The following IQGAP1 variants were observed in gnomAD, a reference collection of about 807,000 sequenced individuals.
IQGAP1 encodes ras GTPase-activating-like protein IQGAP1.
Under a neutral mutation model 215.6 loss-of-function variants are expected in IQGAP1, and 66 were observed. The observed-to-expected ratio is 0.31, with a 90% confidence interval of 0.25 to 0.38. IQGAP1 has a LOEUF of 0.38. IQGAP1 is among the 10% of genes least tolerant of loss of function. The pLI, the probability that IQGAP1 is intolerant of heterozygous loss-of-function variation, is 1.00. For synonymous variants in IQGAP1, 772 were observed against 728.7 expected (o/e 1.06, Z -0.96); for missense variants, 1,712 against 1,997.1 (o/e 0.86, Z 2.72).
At chr15:90,396,490 G>A (rs1375891392) in intron 2 of IQGAP1, among the ~76,000 whole-genome samples, 3 of 152,122 alleles carry the variant, frequency 2.0e-5, no homozygotes, top group Non-Finnish European at 4.4e-5. Flanking sequence ...GAGACCCAGT[G>A]TGACTAAAGG....
chr15:90,422,624 ATGTATATATATATATGTATATG>A (rs1321526597), intron 2 of IQGAP1, among the ~76,000 whole-genome samples: 2,769 of 85,092 alleles, frequency 0.033, 194 homozygotes, highest in Admixed American at 0.043. Flanking sequence ...ATATATATAT[ATGTATATATATATATGTATATG>A]TATATATATA....
chr15:90,444,408 A>G (rs764069240), intron 9 of IQGAP1, among the ~76,000 whole-genome samples: 10 of 151,782 alleles, frequency 6.6e-5, no homozygotes, highest in Non-Finnish European at 1.0e-4. Flanking sequence ...CAAATTCTCT[A>G]GTAGCTAGGA....
intron 28 of IQGAP1, 40 bp from the exon 29 acceptor site, chr15:90,483,321 A>G (rs2151035922): frequency 2.1e-6 from 3 of 1,426,256 alleles, no homozygotes; most frequent in East Asian, 2.3e-5. Flanking sequence ...CCTTGGTGGT[A>G]TGTCTTTTAA....
intron 2 of IQGAP1, among the ~76,000 whole-genome samples, chr15:90,423,927 C>T (rs1403950020): frequency 6.6e-6 from 1 of 152,134 alleles, no homozygotes; most frequent in Non-Finnish European, 1.5e-5. Flanking sequence ...CTAAATACCT[C>T]TGGTAACTGG....
chr15:90,404,996 C>G (rs899489793), intron 2 of IQGAP1, among the ~76,000 whole-genome samples: 15 of 152,308 alleles, frequency 9.8e-5, no homozygotes, highest in African/African-American at 3.4e-4. Flanking sequence ...AGAGTCTTAT[C>G]TATACTGAGA....
intron 1 of IQGAP1, 80 bp downstream of exon 1, chr15:90,388,476 C>A: frequency 3.3e-6 from 1 of 300,078 alleles, no homozygotes; most frequent in Non-Finnish European, 6.3e-6. Flanking sequence ...GGGGCTCGGC[C>A]GGGCGGGTGG....
chr15:90,427,600 C>T (rs1417483693), intron 3 of IQGAP1, among the ~76,000 whole-genome samples: 2 of 152,012 alleles, frequency 1.3e-5, no homozygotes, highest in African/African-American at 2.4e-5. Context: ...ATTAGCCAGG[C>T]TTGGTGGCGC....
intron 29 of IQGAP1, 78 bp downstream of exon 29, chr15:90,483,671 C>A: frequency 2.0e-6 from 2 of 1,020,242 alleles, no homozygotes; most frequent in Non-Finnish European, 3.0e-6. Context: ...AGATTAAAAA[C>A]CACCTCTCAC....
At chr15:90,440,443 T>A in intron 6 of IQGAP1, 59 bp from the exon 7 acceptor site, 1 of 1,187,402 alleles carries the variant, frequency 8.4e-7, no homozygotes, top group South Asian at 1.3e-5. Context: ...TATGTTTCCT[T>A]CTCTTGGTTA....
intron 2 of IQGAP1, among the ~76,000 whole-genome samples, chr15:90,421,917 T>A (rs1004631544): frequency 9.9e-5 from 15 of 152,240 alleles, no homozygotes; most frequent in African/African-American, 3.6e-4. Context: ...CGCGTTGGCC[T>A]CCCAAAGTGC....
Position 90,394,135 on chromosome 15 carries a change from CA to C in IQGAP1, c.155+3284del, listed in dbSNP as rs56810085. Among the ~76,000 whole-genome samples, 716 of 74,354 alleles carry C rather than the reference CA, an allele frequency of 9.6e-3. 3 individuals are homozygous for C. Among genetic ancestry groups the C allele is most frequent in the African/African-American group, 0.035 (636 of 18,186 alleles). The allele number at this position is 74,354 out of a possible 152,430, so 48.8% of individuals were successfully genotyped here. A position where few individuals can be genotyped will look rare whatever the true frequency, so the allele number is the denominator to read the frequency against. Reference sequence around the variant, plus strand: ...GGGCATCAAGAGTAAAACTCTGTCTCAAAAAAAAAAAAAAAAAAAAAAGGCA... The same window carrying C: ...GGGCATCAAGAGTAAAACTCTGTCTCAAAAAAAAAAAAAAAAAAAAAGGCA... On this transcript the variant is annotated intron_variant, in intron 2 of 37. Coordinates refer to ENST00000268182, the MANE Select transcript of IQGAP1 (RefSeq NM_003870.4).
At chr15:90,480,963 C>T (rs900058120) in intron 26 of IQGAP1, among the ~76,000 whole-genome samples, 3 of 152,190 alleles carry the variant, frequency 2.0e-5, no homozygotes, top group African/African-American at 7.2e-5. Context: ...CCACCACACC[C>T]GGCCTCTACT....
chr15:90,398,706 A>G (rs1964760809), intron 2 of IQGAP1, among the ~76,000 whole-genome samples: 1 of 152,064 alleles, frequency 6.6e-6, no homozygotes. Context: ...ATTACAATAA[A>G]GTATTAAGTA....
intron 5 of IQGAP1, among the ~76,000 whole-genome samples, chr15:90,436,313 G>T (rs115656685): frequency 4.7e-4 from 71 of 152,014 alleles, no homozygotes; most frequent in African/African-American, 1.4e-3. Context: ...GGCTTGCTGG[G>T]GATACTTTAT....
chr15:90,449,604 G>A lies in IQGAP1; in HGVS notation c.1123G>A (p.Val375Met), dbSNP rs768345330. 16 of 1,613,142 alleles carry A rather than the reference G, an allele frequency of 9.9e-6. No individual in the cohort carries two copies. The highest frequency in any genetic ancestry group is 1.2e-5 in the Non-Finnish European group (14 of 1,179,626). ...PLQKEELQSG[V>M]DAANSAAQQY... is the part of the protein sequence containing the mutation. ...GCAGAAGGAGGAGCTGCAGTCTGGAGTGGATGCTGCAAACAGTGCTGCCCA... is the reference window on the plus strand; with the variant it reads ...GCAGAAGGAGGAGCTGCAGTCTGGAATGGATGCTGCAAACAGTGCTGCCCA... The change falls in exon 11 of 38, where the codon GTG becomes ATG. Residue 375 changes from valine to methionine, a missense_variant. By Grantham distance (21) the Val-to-Met change is conservative. Around this residue, in one of 2 missense-constraint regions of IQGAP1, gnomAD observed 1,021 missense variants for 1,074.2 expected, o/e 0.95. Coordinates refer to ENST00000268182, the MANE Select transcript of IQGAP1 (RefSeq NM_003870.4).
chr15:90,450,600 T>G, intron 11 of IQGAP1, among the ~76,000 whole-genome samples: 1 of 151,992 alleles, frequency 6.6e-6, no homozygotes, highest in Non-Finnish European at 1.5e-5. Context: ...CTCTGCAGCC[T>G]TCCCAGCATT....
intron 15 of IQGAP1, among the ~76,000 whole-genome samples, chr15:90,461,233 A>G (rs1965757312): frequency 6.6e-6 from 1 of 152,068 alleles, no homozygotes; most frequent in Admixed American, 6.5e-5. Flanking sequence ...ACTTGAACCC[A>G]GGAGGTGGAG....
intron 2 of IQGAP1, among the ~76,000 whole-genome samples, chr15:90,403,452 G>A (rs1453556901): frequency 6.6e-6 from 1 of 151,974 alleles, no homozygotes; most frequent in East Asian, 1.9e-4. Context: ...CTTAGAAATA[G>A]GTAATACACA....
At chr15:90,494,547 A>G (rs1966247898) in intron 35 of IQGAP1, 166 bp from the exon 36 acceptor site, 1 of 461,802 alleles carries the variant, frequency 2.2e-6, no homozygotes, top group Admixed American at 4.1e-5. Context: ...TTTTGCAGAG[A>G]TATTGCTTAG....
Sources: gnomAD v4.1 joint callset for allele counts (sites outside exome capture counted in the v4.1 genomes callset) on GRCh38, gnomAD v4.1.1 for gene constraint, gnomAD v4.1.1 regional missense constraint, MANE v1.5 for transcripts, NCBI Gene and HGNC (gene_info 2026-07-23, HGNC 2026-07-21) for gene names.